The following MTHFD2L variants were observed in gnomAD, a reference collection of about 807,000 sequenced individuals.
The protein encoded by MTHFD2L is bifunctional methylenetetrahydrofolate dehydrogenase/cyclohydrolase 2, mitochondrial.
MTHFD2L carries 29 observed loss-of-function variants against 34.9 expected under a neutral mutation model. The ratio of observed to expected loss-of-function variants is 0.83; its 90% CI spans 0.62 to 1.13. The LOEUF is 1.13. Ranked by LOEUF, MTHFD2L falls within the 50% of genes most tolerant of loss-of-function variation. The pLI, the probability that MTHFD2L is intolerant of heterozygous loss-of-function variation, is 0.00. For missense variants in MTHFD2L, 481 were observed against 446.5 expected (o/e 1.08, Z -0.70); for synonymous variants, 167 against 155.7 (o/e 1.07, Z -0.54).
At chr4:74,268,268 GT>G (rs1745554890) in intron 6 of MTHFD2L, 1 of 983,204 alleles carries the variant, frequency 1.0e-6, no homozygotes, top group Non-Finnish European at 1.2e-6. Context: ...GCTGAAGAAA[GT>G]TTTTCTAATC....
intron 1 of MTHFD2L, among the ~76,000 whole-genome samples, chr4:74,173,661 C>T (rs1463591243): frequency 2.6e-5 from 4 of 152,148 alleles, no homozygotes; most frequent in African/African-American, 2.4e-5. Flanking sequence ...TGTGGGGCTA[C>T]GTGTATACAT....
At chr4:74,177,882 ATGT>A (rs1236776740) in intron 3 of MTHFD2L, among the ~76,000 whole-genome samples, 2 of 152,006 alleles carry the variant, frequency 1.3e-5, no homozygotes, top group East Asian at 1.9e-4. Context: ...GATAAAGTAA[ATGT>A]TGTTGTATAT....
intron 6 of MTHFD2L, 114 bp from the exon 7 acceptor site, chr4:74,281,311 T>G: frequency 1.3e-6 from 1 of 778,520 alleles, no homozygotes; most frequent in Non-Finnish European, 1.7e-6. Context: ...TAAGGAACAA[T>G]GTATTACACA....
chr4:74,270,188 A>T (rs1044255171), intron 6 of MTHFD2L, among the ~76,000 whole-genome samples: 2 of 151,746 alleles, frequency 1.3e-5, no homozygotes, highest in African/African-American at 4.8e-5. Flanking sequence ...TTATTATTAT[A>T]CTTTAACTTC....
chr4:74,135,537 G>A lies in MTHFD2L; in HGVS notation c.-297+10020G>A, dbSNP rs139555846. Among the ~76,000 whole-genome samples, 37 of 152,092 alleles carry A rather than the reference G, an allele frequency of 2.4e-4. No individual in the cohort carries two copies. In the East Asian group the frequency reaches 3.9e-3, roughly 16 times the overall value. On this transcript the variant is annotated intron_variant, in intron 1 of 7. Transcript: ENST00000433372. ...AGTCTCCCATCAAAGAAAAGCTCACGGCCTGATAACTTCACTGCTAAGTTC... is the reference window on the plus strand; with the variant it reads ...AGTCTCCCATCAAAGAAAAGCTCACAGCCTGATAACTTCACTGCTAAGTTC...
intron 6 of MTHFD2L, among the ~76,000 whole-genome samples, chr4:74,260,018 A>T (rs1392737784): frequency 6.6e-6 from 1 of 152,156 alleles, no homozygotes; most frequent in Non-Finnish European, 1.5e-5. Flanking sequence ...ATGGGCACTT[A>T]TGATCATGCT....
At chr4:74,158,499 T>C (rs1445706605) in intron 1 of MTHFD2L, 1 of 169,368 alleles carries the variant, frequency 5.9e-6, no homozygotes, top group Non-Finnish European at 1.2e-5. Flanking sequence ...TGCTCTGGGC[T>C]CTCGCACCAG....
chr4:74,125,646 T>C (rs1029352629), intron 1 of MTHFD2L: 1 of 152,154 alleles, frequency 6.6e-6, no homozygotes, highest in Non-Finnish European at 1.5e-5. Context: ...ATTTTTTTGC[T>C]TCTATTTAAA....
At chr4:74,120,276 G>C (rs1382798838), upstream of MTHFD2L, among the ~76,000 whole-genome samples, 4 of 152,196 alleles carry the variant, frequency 2.6e-5, no homozygotes, top group Non-Finnish European at 5.9e-5. Flanking sequence ...TTGTTACAGA[G>C]AGTTAATGAG....
chr4:74,213,269 G>A (rs540144684), intron 5 of MTHFD2L, among the ~76,000 whole-genome samples: 6 of 152,270 alleles, frequency 3.9e-5, no homozygotes, highest in African/African-American at 1.4e-4. Context: ...TGCCCCATTA[G>A]TTGATGCAGT....
intron 5 of MTHFD2L, among the ~76,000 whole-genome samples, chr4:74,219,455 T>C (rs1390913027): frequency 6.6e-6 from 1 of 152,070 alleles, no homozygotes; most frequent in Non-Finnish European, 1.5e-5. Context: ...GACTTGCTAG[T>C]ACTAGCTGCC....
At chr4:74,136,918 G>A (rs573830484) in intron 1 of MTHFD2L, among the ~76,000 whole-genome samples, 1 of 152,216 alleles carries the variant, frequency 6.6e-6, no homozygotes, top group African/African-American at 2.4e-5. Flanking sequence ...ATAACTATAT[G>A]CAGAAGAAAG....
intron 6 of MTHFD2L, chr4:74,268,079 C>T (rs1745535971): frequency 1.0e-6 from 1 of 985,008 alleles, no homozygotes; most frequent in Non-Finnish European, 1.2e-6. Context: ...AGAAAAAGAA[C>T]AGGAAATGTT....
chr4:74,261,017 A>AT (rs1553919553), intron 6 of MTHFD2L, among the ~76,000 whole-genome samples: 6 of 139,978 alleles, frequency 4.3e-5, no homozygotes, highest in South Asian at 2.2e-4. Flanking sequence ...AATAGAAAAA[A>AT]ATATATATAT....
intron 6 of MTHFD2L, among the ~76,000 whole-genome samples, chr4:74,263,628 T>C (rs1744947945): frequency 6.6e-6 from 1 of 151,948 alleles, no homozygotes; most frequent in African/African-American, 2.4e-5. Flanking sequence ...ATTTGGCTCT[T>C]GACTGGTGTT....
intron 6 of MTHFD2L, among the ~76,000 whole-genome samples, chr4:74,256,299 TG>T (rs1350104617): frequency 6.6e-6 from 1 of 152,050 alleles, no homozygotes; most frequent in African/African-American, 2.4e-5. Flanking sequence ...TTAATAGAGA[TG>T]GGGTTTCATC....
At chr4:74,265,702 G>C (rs768054233) in intron 6 of MTHFD2L, among the ~76,000 whole-genome samples, 26 of 152,142 alleles carry the variant, frequency 1.7e-4, no homozygotes, top group Non-Finnish European at 3.1e-4. Flanking sequence ...ACTTAAAATT[G>C]CCATGGCTAG....
rs1280675438 is a variant in MTHFD2L, at chr4:74,158,127, G to GGATCCGCGGCCATGACGGTGCC, written c.-10_12dup. 10 of 1,530,492 alleles carry GGATCCGCGGCCATGACGGTGCC rather than the reference G, an allele frequency of 6.5e-6. No individual in the cohort carries two copies. The East Asian group carries it at 9.8e-5, about 15-fold the overall frequency. 94.8% of individuals were successfully genotyped at this position (1,530,492 alleles called of 1,614,324 possible). A position where few individuals can be genotyped will look rare whatever the true frequency, so the allele number is the denominator to read the frequency against. Reference sequence around the variant, plus strand: ...GGTGGAGCCCCAGTCCGGAAGCCGGGGATCCGCGGCCATGACGGTGCCGGT... The same window carrying GGATCCGCGGCCATGACGGTGCC: ...GGTGGAGCCCCAGTCCGGAAGCCGGGGATCCGCGGCCATGACGGTGCCGATCCGCGGCCATGACGGTGCCGGT... On this transcript the variant is annotated 5_prime_UTR_variant, in exon 1 of 8. In the 5' UTR this introduces an upstream ATG that the reference lacks. Transcript: ENST00000325278.
intron 5 of MTHFD2L, among the ~76,000 whole-genome samples, chr4:74,218,621 C>CG (rs1378458392): frequency 6.6e-6 from 1 of 151,570 alleles, no homozygotes; most frequent in African/African-American, 2.4e-5. Context: ...CAAGCCCCCC[C>CG]CCCACCACCA....
Sources: allele counts gnomAD v4.1 joint callset (sites outside exome capture counted in the v4.1 genomes callset), GRCh38; gene constraint gnomAD v4.1.1; transcripts MANE v1.5; gene names NCBI Gene and HGNC (gene_info 2026-07-23, HGNC 2026-07-21).